Variants in RAVER2 observed in about 807,000 individuals in gnomAD.
RAVER2 encodes ribonucleoprotein, PTB binding 2.
A neutral mutation model predicts 78.1 loss-of-function variants in RAVER2; 46 were observed. The observed-to-expected ratio is 0.59, with a 90% CI of 0.46 to 0.75. The LOEUF (loss-of-function observed/expected upper bound fraction) is 0.75, where lower values mean the gene tolerates loss of function less well. Ranked by LOEUF, RAVER2 falls within the 30% of genes least tolerant of loss-of-function variation. RAVER2 has a pLI of 0.00. For synonymous variants in RAVER2, 311 were observed against 313.3 expected (o/e 0.99, Z 0.08); for missense variants, 793 against 837.5 (o/e 0.95, Z 0.66).
chr1:64,747,145 A>G (rs1427549953), intron 1 of RAVER2, among the ~76,000 whole-genome samples: 1 of 152,216 alleles, frequency 6.6e-6, no homozygotes, highest in Non-Finnish European at 1.5e-5. Context: ...TAGTGATAGA[A>G]GCTTTCTCAG....
intron 8 of RAVER2, 81 bp from the exon 9 acceptor site, chr1:64,807,125 C>A: frequency 6.8e-7 from 1 of 1,461,732 alleles, no homozygotes; most frequent in South Asian, 1.4e-5. Context: ...GCATTTTGCT[C>A]ATAACTTAAC....
chr1:64,824,576 G>C (rs1351833446), intron 11 of RAVER2, among the ~76,000 whole-genome samples: 1 of 152,112 alleles, frequency 6.6e-6, no homozygotes. Flanking sequence ...ACAATAACTT[G>C]GAAAGTACTT....
intron 4 of RAVER2, 87 bp from the exon 5 acceptor site, chr1:64,789,301 G>C: frequency 8.7e-7 from 1 of 1,144,752 alleles, no homozygotes; most frequent in Non-Finnish European, 1.2e-6. Flanking sequence ...CTTGTCAGAT[G>C]AATGAGGATT....
intron 6 of RAVER2, 109 bp downstream of exon 6, chr1:64,803,170 A>G (rs1237888076): frequency 3.7e-6 from 3 of 816,668 alleles, no homozygotes; most frequent in Non-Finnish European, 5.8e-6. Context: ...TTGCTTTTAA[A>G]GAAAATCTTT....
At chr1:64,757,991 T>G (rs2100809520) in intron 1 of RAVER2, among the ~76,000 whole-genome samples, 1 of 151,946 alleles carries the variant, frequency 6.6e-6, no homozygotes, top group Middle Eastern at 3.4e-3. Flanking sequence ...CTTGCCCCAT[T>G]CCCCCCACAG....
At position 64,803,067 on chromosome 1, in the gene RAVER2, TA is replaced by T. The variant is rs752984462; in HGVS notation, c.1191+9del. ...ATTTGAATAAAGCACATCAGGTACA[TA>T]AATAACATTGAGTACTGAAGCATTA... On this transcript the variant is annotated splice_region_variant and intron_variant, in intron 6 of 11. Transcript: ENST00000294428. 3.8e-6 allele frequency: 6 copies of T among 1,560,658 alleles called. No individual in the cohort carries two copies. In the East Asian group the frequency reaches 1.1e-4, roughly 29 times the overall value.
At chr1:64,788,987 G>A (rs1232800404) in intron 4 of RAVER2, among the ~76,000 whole-genome samples, 2 of 152,124 alleles carry the variant, frequency 1.3e-5, no homozygotes, top group East Asian at 3.8e-4. Context: ...ACGATTACAG[G>A]TGTGAGGCAC....
At chr1:64,758,463 C>T (rs1344139328) in intron 1 of RAVER2, among the ~76,000 whole-genome samples, 1 of 151,978 alleles carries the variant, frequency 6.6e-6, no homozygotes, top group Admixed American at 6.6e-5. Context: ...GGCTGGAAGC[C>T]TTAGGGGAAA....
chr1:64,804,955 T>TGTA, intron 7 of RAVER2, 36 bp from the exon 8 acceptor site: 1 of 1,589,732 alleles, frequency 6.3e-7, no homozygotes. Flanking sequence ...TTATATCTTA[T>TGTA]GGCCATGGGT....
intron 6 of RAVER2, 64 bp from the exon 7 acceptor site, chr1:64,804,670 G>A: frequency 1.3e-6 from 1 of 781,340 alleles, no homozygotes. Flanking sequence ...ACTTCAAAAT[G>A]AATTGGGTTA....
At chr1:64,806,864 G>A (rs1653430603) in intron 8 of RAVER2, among the ~76,000 whole-genome samples, 1 of 151,998 alleles carries the variant, frequency 6.6e-6, no homozygotes, top group Non-Finnish European at 1.5e-5. Flanking sequence ...ATAAAAAAAA[G>A]CACTAATACA....
intron 11 of RAVER2, among the ~76,000 whole-genome samples, chr1:64,818,018 A>G (rs1369372213): frequency 6.6e-6 from 1 of 152,212 alleles, no homozygotes; most frequent in African/African-American, 2.4e-5. Context: ...CAAAGGCCAC[A>G]TTATTTATAC....
At chr1:64,777,526 G>T in intron 2 of RAVER2, 97 bp from the exon 3 acceptor site, 1 of 969,488 alleles carries the variant, frequency 1.0e-6, no homozygotes, top group East Asian at 2.5e-5. Flanking sequence ...GAAAAAAGGT[G>T]TATGTTTATG....
At chr1:64,769,260 C>A (rs184532072) in intron 2 of RAVER2, among the ~76,000 whole-genome samples, 475 of 152,006 alleles carry the variant, frequency 3.1e-3, no homozygotes, top group Non-Finnish European at 5.3e-3. Flanking sequence ...TTTGTCTTTA[C>A]AAAGTATGTA....
intron 3 of RAVER2, among the ~76,000 whole-genome samples, chr1:64,778,953 A>G (rs1279495528): frequency 6.8e-6 from 1 of 147,854 alleles, no homozygotes; most frequent in Non-Finnish European, 1.5e-5. Flanking sequence ...ATATCTATAT[A>G]TGTATATAAA....
chr1:64,795,907 T>G (rs1030207529), intron 5 of RAVER2, among the ~76,000 whole-genome samples: 5 of 152,148 alleles, frequency 3.3e-5, no homozygotes, highest in African/African-American at 1.2e-4. Context: ...CTTTAATTAT[T>G]AAGTATTATC....
At chr1:64,799,897 C>T (rs768173227) in intron 5 of RAVER2, among the ~76,000 whole-genome samples, 24 of 151,988 alleles carry the variant, frequency 1.6e-4, no homozygotes, top group East Asian at 3.9e-4. Flanking sequence ...CCCTTTTTTC[C>T]GCATCCTCAC....
At chr1:64,763,780 G>C (rs1334454187) in intron 1 of RAVER2, among the ~76,000 whole-genome samples, 1 of 152,074 alleles carries the variant, frequency 6.6e-6, no homozygotes, top group East Asian at 1.9e-4. Context: ...ATGGGCACCT[G>C]TAATCCCAGC....
Position 64,792,198 on chromosome 1 carries a change from C to T in RAVER2, c.1105+2684C>T, listed in dbSNP as rs112218266. 2.5e-3 allele frequency among the ~76,000 whole-genome samples: 374 copies of T among 152,276 alleles called. 4 individuals are homozygous for T. Among genetic ancestry groups the T allele is most frequent in the Non-Finnish European group, 4.3e-3 (290 of 68,006 alleles). On this transcript the variant is annotated intron_variant, in intron 5 of 11. Coordinates refer to ENST00000294428, the Ensembl canonical transcript of RAVER2. ...CAGATTACAGTTCTATATTTGACTT[C>T]CCATAACATGTCACAGGACATGTGC...
Sources: gnomAD v4.1 joint callset for allele counts (sites outside exome capture counted in the v4.1 genomes callset) on GRCh38, gnomAD v4.1.1 for gene constraint, MANE v1.5 for transcripts, NCBI Gene and HGNC (gene_info 2026-07-23, HGNC 2026-07-21) for gene names.